The following AHCYL2 variants were observed in gnomAD, a reference collection of about 807,000 sequenced individuals.
AHCYL2 encodes adenosylhomocysteinase like 2.
Under a neutral mutation model 81.4 loss-of-function variants are expected in AHCYL2, and 28 were observed. The ratio of observed to expected loss-of-function variants is 0.34; its 90% CI spans 0.25 to 0.47. The LOEUF is 0.47. AHCYL2 is among the 20% of genes least tolerant of loss of function. AHCYL2 has a pLI of 1.00. For synonymous variants in AHCYL2, 272 were observed against 290.2 expected, an observed-to-expected ratio of 0.94 and a Z score of 0.64; for missense variants, 551 against 785.1, an observed-to-expected ratio of 0.70 and a Z score of 3.56.
At chr7:129,236,918 C>G (rs1400067813) in intron 1 of AHCYL2, among the ~76,000 whole-genome samples, 1 of 151,862 alleles carries the variant, frequency 6.6e-6, no homozygotes, top group Non-Finnish European at 1.5e-5. Context: ...TACTGTATGC[C>G]AAGTGCTGGG....
At chr7:129,398,373 T>C (rs1212700606) in intron 5 of AHCYL2, among the ~76,000 whole-genome samples, 3 of 150,566 alleles carry the variant, frequency 2.0e-5, no homozygotes, top group African/African-American at 7.3e-5. Flanking sequence ...TTTTTATTTT[T>C]ATTTTTATTT....
intron 1 of AHCYL2, among the ~76,000 whole-genome samples, chr7:129,311,791 C>T (rs986769409): frequency 5.3e-5 from 8 of 152,106 alleles, no homozygotes; most frequent in African/African-American, 1.4e-4. Context: ...CTGTTTCCGT[C>T]GTCTGTTTTC....
chr7:129,276,444 C>A (rs1394916659), intron 1 of AHCYL2, among the ~76,000 whole-genome samples: 3 of 130,672 alleles, frequency 2.3e-5, no homozygotes, highest in Admixed American at 7.4e-5. Flanking sequence ...AAAAAAAAAA[C>A]CAGAACTGAA....
intron 1 of AHCYL2, among the ~76,000 whole-genome samples, chr7:129,302,238 C>T (rs1407940924): frequency 1.3e-5 from 2 of 151,966 alleles, no homozygotes; most frequent in East Asian, 3.9e-4. Context: ...ACTGAATTTG[C>T]TTATCAGTTC....
rs59849233 is a variant in AHCYL2, at chr7:129,280,178, C to CTTTTTTTTTTTTTTTTTTTTTTT, written c.363+54750_363+54751insTTTTTTTTTTTTTTTTTTTTTTT. 2.7e-5 allele frequency among the ~76,000 whole-genome samples: 3 copies of CTTTTTTTTTTTTTTTTTTTTTTT among 112,562 alleles called. 1 individual carries two copies. The highest frequency in any genetic ancestry group is 6.3e-5 in the African/African-American group (2 of 31,988). The allele number at this position is 112,562 out of a possible 152,430, so 73.8% of individuals were successfully genotyped here. Reference sequence around the variant, plus strand: ...TTATAGTCTTTAAGTTTGCTAAATACTTTTTTTTTTTGAGAGAGTCTCGCT... The same window carrying CTTTTTTTTTTTTTTTTTTTTTTT: ...TTATAGTCTTTAAGTTTGCTAAATACTTTTTTTTTTTTTTTTTTTTTTTTTTTTTTTTTTGAGAGAGTCTCGCT... On this transcript the variant is annotated intron_variant, in intron 1 of 16. Coordinates refer to ENST00000325006, the MANE Select transcript of AHCYL2 (RefSeq NM_015328.4).
At chr7:129,401,346 C>G (rs1055223244) in intron 6 of AHCYL2, among the ~76,000 whole-genome samples, 39 of 150,796 alleles carry the variant, frequency 2.6e-4, no homozygotes, top group African/African-American at 2.2e-4. Context: ...AGTGCCCCCC[C>G]CCAAAAAAGC....
chr7:129,300,277 TC>T (rs1008561407), intron 1 of AHCYL2, among the ~76,000 whole-genome samples: 6 of 151,764 alleles, frequency 4.0e-5, no homozygotes, highest in Non-Finnish European at 8.8e-5. Flanking sequence ...CATCCCCGCC[TC>T]CCCCCCAGCC....
chr7:129,297,835 A>G (rs1797105932), intron 1 of AHCYL2, among the ~76,000 whole-genome samples: 1 of 152,076 alleles, frequency 6.6e-6, no homozygotes, highest in South Asian at 2.1e-4. Flanking sequence ...ACCAGCCTGG[A>G]CAACATAGGG....
At chr7:129,409,941 T>C (rs1796487527) in intron 11 of AHCYL2, among the ~76,000 whole-genome samples, 1 of 151,018 alleles carries the variant, frequency 6.6e-6, no homozygotes. Flanking sequence ...AAACCAGAGT[T>C]TGGATTCCAG....
intron 1 of AHCYL2, among the ~76,000 whole-genome samples, chr7:129,277,477 G>A (rs1563177823): frequency 6.6e-6 from 1 of 151,920 alleles, no homozygotes; most frequent in Middle Eastern, 3.2e-3. Context: ...ACAGGGTTTT[G>A]CCATGTTGCC....
At chr7:129,267,525 G>A (rs534071789) in intron 1 of AHCYL2, among the ~76,000 whole-genome samples, 82 of 151,970 alleles carry the variant, frequency 5.4e-4, no homozygotes, top group African/African-American at 1.9e-3. Flanking sequence ...AGCTGGTCTC[G>A]AACTCCTGAC....
In AHCYL2 at chr7:129,250,884, A is replaced by G. The variant is rs377140628; in HGVS notation, c.363+25445A>G. 8.5e-5 allele frequency among the ~76,000 whole-genome samples: 13 copies of G among 152,322 alleles called. No individual in the cohort carries two copies. In the South Asian group the frequency reaches 2.7e-3, roughly 32 times the overall value. ...CTACTTTGAGTCCTTCAGTTTTTGAATTAGTCAAATTACTCATCTAAATTT... is the reference window on the plus strand; with the variant it reads ...CTACTTTGAGTCCTTCAGTTTTTGAGTTAGTCAAATTACTCATCTAAATTT... On this transcript the variant is annotated intron_variant, in intron 1 of 16. Transcript: ENST00000325006.
intron 8 of AHCYL2, chr7:129,405,477 A>G (rs980597462): frequency 5.7e-6 from 2 of 353,624 alleles, no homozygotes; most frequent in South Asian, 2.3e-4. Context: ...TGTTATCTAC[A>G]TCTTCTTCCT....
intron 1 of AHCYL2, among the ~76,000 whole-genome samples, chr7:129,308,273 CTGGGT>C (rs549155485): frequency 6.2e-4 from 94 of 152,102 alleles, no homozygotes; most frequent in Non-Finnish European, 1.2e-3. Flanking sequence ...GATATGACTG[CTGGGT>C]TGGGTGATTC....
At chr7:129,425,014 G>C (rs776342668) in intron 14 of AHCYL2, 49 bp from the exon 15 acceptor site, 1 of 1,612,576 alleles carries the variant, frequency 6.2e-7, no homozygotes, top group Non-Finnish European at 8.5e-7. Context: ...ACTTGCTTGG[G>C]TAGATTGCCA....
chr7:129,410,203 G>T, intron 11 of AHCYL2: 2 of 1,612,378 alleles, frequency 1.2e-6, no homozygotes, highest in Non-Finnish European at 1.7e-6. Flanking sequence ...TTTGTTCCCG[G>T]CTCTTGGGAT....
At chr7:129,286,064 A>T (rs895830658) in intron 1 of AHCYL2, among the ~76,000 whole-genome samples, 1 of 152,108 alleles carries the variant, frequency 6.6e-6, no homozygotes, top group African/African-American at 2.4e-5. Flanking sequence ...CTCCACCAAA[A>T]AGAAATTTTA....
At chr7:129,288,443 C>T (rs1268408760) in intron 1 of AHCYL2, among the ~76,000 whole-genome samples, 1 of 152,116 alleles carries the variant, frequency 6.6e-6, no homozygotes, top group Non-Finnish European at 1.5e-5. Context: ...TCACTGCACC[C>T]TCCACCTTCT....
intron 1 of AHCYL2, among the ~76,000 whole-genome samples, chr7:129,290,718 C>G (rs569158294): frequency 6.6e-6 from 1 of 152,084 alleles, no homozygotes; most frequent in African/African-American, 2.4e-5. Context: ...ATCATGAGGT[C>G]AGGAGTTCGA....
Sources: allele counts gnomAD v4.1 joint callset (sites outside exome capture counted in the v4.1 genomes callset), GRCh38; gene constraint gnomAD v4.1.1; transcripts MANE v1.5; gene names NCBI Gene and HGNC (gene_info 2026-07-23, HGNC 2026-07-21).